TRPM6: variants seen among roughly 807,000 people sequenced by gnomAD.
TRPM6 encodes the protein transient receptor potential cation channel subfamily M member 6, also known as channel kinase 2.
TRPM6 carries 111 observed loss-of-function variants against 247.6 expected under a neutral mutation model. That is an observed-to-expected ratio of 0.45 (90% CI 0.38 to 0.52). The LOEUF (loss-of-function observed/expected upper bound fraction) is 0.52, where lower values mean the gene tolerates loss of function less well. TRPM6 is among the 20% of genes least tolerant of loss of function. The pLI, the probability that TRPM6 is intolerant of heterozygous loss-of-function variation, is 0.00. For missense variants in TRPM6, 2,126 were observed against 2,421.5 expected (o/e 0.88, Z 2.56); for synonymous variants, 892 against 853.8 (o/e 1.04, Z -0.78).
intron 7 of TRPM6, among the ~76,000 whole-genome samples, chr9:74,824,503 C>CT (rs1829257847): frequency 1.9e-5 from 1 of 53,374 alleles, no homozygotes; most frequent in Non-Finnish European, 3.9e-5. Flanking sequence ...ATATTTATGG[C>CT]TTTTTCTGAA....
intron 24 of TRPM6, among the ~76,000 whole-genome samples, chr9:74,773,292 G>C (rs1827112732): frequency 6.6e-6 from 1 of 152,142 alleles, no homozygotes; most frequent in Non-Finnish European, 1.5e-5. Context: ...TGCAAGATTA[G>C]AAGAAGGCAG....
At position 74,827,836 on chromosome 9, in the gene TRPM6, AT is replaced by A; in HGVS notation, c.782del (p.Asn261MetfsTer3). 6.2e-7 allele frequency: 1 copy of A among 1,613,948 alleles called. No individual in the cohort carries two copies. Among genetic ancestry groups the A allele is most frequent in the Non-Finnish European group, 8.5e-7 (1 of 1,179,986 alleles). On this transcript the variant is annotated frameshift_variant, in exon 7 of 39. Coordinates refer to ENST00000360774, the MANE Select transcript of TRPM6 (RefSeq NM_017662.5). LOFTEE classifies it high-confidence loss of function. ...CCAGGTTCCTTCTGAGCTTCATTTCATTTCCATACTTGCCCACGGTCCCATC... is the reference window on the plus strand; with the variant it reads ...CCAGGTTCCTTCTGAGCTTCATTTCATTCCATACTTGCCCACGGTCCCATC... ...SDDGTVGKYG[N>X]EMKLRRNLEK... is the part of the protein sequence containing the mutation.
intron 19 of TRPM6, among the ~76,000 whole-genome samples, chr9:74,790,767 T>A (rs1420346361): frequency 6.6e-6 from 1 of 152,202 alleles, no homozygotes; most frequent in African/African-American, 2.4e-5. Flanking sequence ...GGAAGATTTA[T>A]AAGCAAAAGA....
intron 12 of TRPM6, among the ~76,000 whole-genome samples, chr9:74,811,862 AC>A (rs1264908766): frequency 1.3e-5 from 2 of 152,196 alleles, no homozygotes; most frequent in Admixed American, 1.3e-4. Flanking sequence ...TGAAAAAGGA[AC>A]GTTTTATTAG....
intron 20 of TRPM6, 91 bp downstream of exon 20, chr9:74,788,523 A>G: frequency 6.6e-7 from 1 of 1,513,556 alleles, no homozygotes; most frequent in Non-Finnish European, 9.2e-7. Context: ...TGACATGTCC[A>G]TTTTCATCAC....
At chr9:74,778,581 G>A (rs1827307462) in intron 23 of TRPM6, among the ~76,000 whole-genome samples, 1 of 152,178 alleles carries the variant, frequency 6.6e-6, no homozygotes, top group South Asian at 2.1e-4. Context: ...GAAGGGAAAG[G>A]TGGCTTCAAG....
intron 38 of TRPM6, among the ~76,000 whole-genome samples, chr9:74,727,554 A>G (rs986906827): frequency 1.3e-5 from 2 of 152,148 alleles, no homozygotes; most frequent in African/African-American, 2.4e-5. Flanking sequence ...ATCCCACTGT[A>G]AGGACAAGTC....
At chr9:74,851,641 C>T (rs563418904) in intron 3 of TRPM6, among the ~76,000 whole-genome samples, 3 of 151,302 alleles carry the variant, frequency 2.0e-5, no homozygotes, top group South Asian at 2.1e-4. Flanking sequence ...CCCAGCTACT[C>T]GGGAGGCTGA....
At chr9:74,808,196 A>T (rs746039767) in intron 13 of TRPM6, 22 bp from the exon 14 acceptor site, 1 of 1,613,670 alleles carries the variant, frequency 6.2e-7, no homozygotes, top group Non-Finnish European at 8.5e-7. Context: ...ACATGCAACG[A>T]CTTTTAACTT....
In TRPM6 at chr9:74,722,900, T is replaced by G. The variant is rs1453589878; in HGVS notation, c.*1713A>C. On this transcript the variant is annotated 3_prime_UTR_variant, in exon 39 of 39. Coordinates refer to ENST00000360774, the MANE Select transcript of TRPM6 (RefSeq NM_017662.5). ...CCCTGTATGCCTAAGAATGCAAGAG[T>G]GTAGATTTTTAAAGCAAGCTCACTA... 6.6e-6 allele frequency: 1 copy of G among 152,070 alleles called. No individual in the cohort carries two copies. Among genetic ancestry groups the G allele is most frequent in the Non-Finnish European group, 1.5e-5 (1 of 68,002 alleles). The allele number at this position is 152,070 out of a possible 1,614,324, so 9.4% of individuals were successfully genotyped here. A position where few individuals can be genotyped will look rare whatever the true frequency, so the allele number is the denominator to read the frequency against.
intron 25 of TRPM6, among the ~76,000 whole-genome samples, chr9:74,763,612 G>GA (rs1295706439): frequency 6.0e-5 from 9 of 150,346 alleles, no homozygotes; most frequent in Admixed American, 2.6e-4. Context: ...TTAAGAAAAA[G>GA]AAAAAAAACA....
intron 25 of TRPM6, among the ~76,000 whole-genome samples, chr9:74,769,116 C>T (rs1224344024): frequency 2.6e-5 from 4 of 152,286 alleles, no homozygotes; most frequent in African/African-American, 9.6e-5. Flanking sequence ...TTAATCCTCA[C>T]AGCATCTCTA....
At chr9:74,778,865 T>C (rs534010121) in intron 23 of TRPM6, among the ~76,000 whole-genome samples, 1 of 152,164 alleles carries the variant, frequency 6.6e-6, no homozygotes, top group South Asian at 2.1e-4. Context: ...TGTACACCCC[T>C]AGTGACTGGG....
At chr9:74,742,989 G>A (rs927301142) in intron 32 of TRPM6, among the ~76,000 whole-genome samples, 8 of 152,270 alleles carry the variant, frequency 5.3e-5, no homozygotes, top group African/African-American at 1.7e-4. Context: ...TCCAAAGCAC[G>A]GTGGGCTGTG....
intron 2 of TRPM6, among the ~76,000 whole-genome samples, chr9:74,856,012 A>C (rs1830510653): frequency 6.6e-6 from 1 of 152,224 alleles, no homozygotes; most frequent in African/African-American, 2.4e-5. Context: ...AGATATATGT[A>C]AACCACTTTA....
intron 30 of TRPM6, among the ~76,000 whole-genome samples, chr9:74,750,212 C>CA (rs1826195442): frequency 6.6e-6 from 1 of 151,560 alleles, no homozygotes; most frequent in Non-Finnish European, 1.5e-5. Flanking sequence ...AAACCAAAAA[C>CA]AAAAAAGATA....
chr9:74,819,114 C>T (rs965863340), intron 9 of TRPM6, among the ~76,000 whole-genome samples: 3 of 152,070 alleles, frequency 2.0e-5, no homozygotes, highest in East Asian at 1.9e-4. Context: ...TCGAGACCAG[C>T]TTGGCCAACA....
intron 17 of TRPM6, among the ~76,000 whole-genome samples, chr9:74,799,549 T>TACACACAC (rs140623880): frequency 3.4e-5 from 5 of 145,106 alleles, no homozygotes; most frequent in African/African-American, 1.2e-4. Context: ...CACACACACA[T>TACACACAC]ACACACACAC....
At chr9:74,835,151 T>C (rs976039651) in intron 5 of TRPM6, among the ~76,000 whole-genome samples, 4 of 152,212 alleles carry the variant, frequency 2.6e-5, no homozygotes, top group African/African-American at 9.6e-5. Flanking sequence ...TGGTATCTCA[T>C]TGTGGTTTTG....
Sources: allele counts gnomAD v4.1 joint callset (sites outside exome capture counted in the v4.1 genomes callset), GRCh38; gene constraint gnomAD v4.1.1; transcripts MANE v1.5; gene names NCBI Gene and HGNC (gene_info 2026-07-23, HGNC 2026-07-21).